MAML3: variants seen among roughly 807,000 people sequenced by gnomAD.
MAML3 encodes mastermind like transcriptional coactivator 3.
A neutral mutation model predicts 101.9 loss-of-function variants in MAML3; 27 were observed. The observed-to-expected ratio is 0.27, with a 90% CI of 0.20 to 0.37. The LOEUF (loss-of-function observed/expected upper bound fraction) is 0.37, where lower values mean the gene tolerates loss of function less well. Ranked by LOEUF, MAML3 falls within the 10% of genes least tolerant of loss-of-function variation. The pLI, the probability that MAML3 is intolerant of heterozygous loss-of-function variation, is 1.00. For synonymous variants in MAML3, 501 were observed against 555.9 expected, an observed-to-expected ratio of 0.90 and a Z score of 1.39; for missense variants, 1,316 against 1,444.9, an observed-to-expected ratio of 0.91 and a Z score of 1.45.
chr4:139,804,222 GA>G (rs1462446361), intron 2 of MAML3, among the ~76,000 whole-genome samples: 1 of 151,626 alleles, frequency 6.6e-6, no homozygotes, highest in Non-Finnish European at 1.5e-5. Context: ...TCTTCCTTCA[GA>G]AAAATGCACA....
intron 2 of MAML3, among the ~76,000 whole-genome samples, chr4:139,808,397 C>T (rs1280784255): frequency 1.3e-5 from 2 of 152,236 alleles, no homozygotes; most frequent in African/African-American, 4.8e-5. Context: ...CATACCACTT[C>T]TAAGTCCTGT....
intron 1 of MAML3, among the ~76,000 whole-genome samples, chr4:139,956,039 T>G (rs551481042): frequency 1.3e-5 from 2 of 152,334 alleles, no homozygotes; most frequent in East Asian, 3.9e-4. Flanking sequence ...TGGCACAACC[T>G]TACCTTTTCT....
At chr4:140,000,825 C>G (rs983988594) in intron 1 of MAML3, among the ~76,000 whole-genome samples, 3 of 152,084 alleles carry the variant, frequency 2.0e-5, no homozygotes, top group Non-Finnish European at 4.4e-5. Flanking sequence ...GTCAGGAGTT[C>G]AAGACCAGCC....
intron 1 of MAML3, among the ~76,000 whole-genome samples, chr4:139,943,864 C>CATTTTTTTTTTTTTTTTTTTT: frequency 1.5e-5 from 1 of 65,824 alleles, no homozygotes; most frequent in Non-Finnish European, 2.8e-5. Context: ...CTAAAGACAA[C>CATTTTTTTTTTTTTTTTTTTT]TTTTTTTTTT....
At chr4:140,075,854 G>A (rs547765808) in intron 1 of MAML3, among the ~76,000 whole-genome samples, 6 of 152,050 alleles carry the variant, frequency 3.9e-5, no homozygotes, top group Non-Finnish European at 7.4e-5. Context: ...TCTGCTTCCC[G>A]GATTCAAGCG....
Position 139,719,074 on chromosome 4 carries a change from CG to C in MAML3, c.*248del, listed in dbSNP as rs1728112766. ...GGCTTCATCTTCCCACCTGCTCCTC[CG>C]GGTGTCTCCCTCTCTCGCAGCCGGG... On this transcript the variant is annotated 3_prime_UTR_variant, in exon 5 of 5. Transcript: ENST00000509479. 1 of 473,268 alleles carries C rather than the reference CG, an allele frequency of 2.1e-6. No homozygotes were observed. Among genetic ancestry groups the C allele is most frequent in the Non-Finnish European group, 3.7e-6 (1 of 270,190 alleles). The allele number at this position is 473,268 out of a possible 1,614,324, so 29.3% of individuals were successfully genotyped here.
intron 1 of MAML3, among the ~76,000 whole-genome samples, chr4:140,029,488 C>T (rs1050947812): frequency 2.0e-5 from 3 of 152,134 alleles, no homozygotes; most frequent in Non-Finnish European, 4.4e-5. Context: ...AGACTGTTAA[C>T]TGTTATTGCT....
rs377748596 is a variant in MAML3 at position 139,793,256 on chromosome 4, C to T, written c.2080-62589G>A. ...AAAGAGCATCAACCCAACCTGCTTA[C>T]ATCAGAGACCTGAACACTCAGTGTG... On this transcript the variant is annotated intron_variant, in intron 2 of 4. Coordinates refer to ENST00000509479, the MANE Select transcript of MAML3 (RefSeq NM_018717.5). Among the ~76,000 whole-genome samples, 84 of 152,300 alleles carry T rather than the reference C, an allele frequency of 5.5e-4. 1 individual carries two copies. The South Asian group carries it at 0.017, about 30-fold the overall frequency.
In MAML3 at chr4:139,758,141, AT is replaced by A. The variant is rs1390328049; in HGVS notation, c.2080-27475del. Among the ~76,000 whole-genome samples the A allele has an allele frequency of 6.6e-5, 10 of 152,326 alleles. No homozygotes were observed. The South Asian group carries it at 2.1e-3, about 32-fold the overall frequency. ...ACAAATGATGGAAAATAGGTCTGTG[AT>A]TAGCTGCTTCCTGCAACCTTGTTAT... On this transcript the variant is annotated intron_variant, in intron 2 of 4. Transcript: ENST00000509479.
chr4:139,886,863 G>A (rs557653253), intron 2 of MAML3, among the ~76,000 whole-genome samples: 1 of 152,034 alleles, frequency 6.6e-6, no homozygotes, highest in African/African-American at 2.4e-5. Flanking sequence ...GGAAGTAAGC[G>A]CATTCCTATT....
intron 1 of MAML3, among the ~76,000 whole-genome samples, chr4:140,120,995 C>T (rs766187581): frequency 4.6e-5 from 7 of 152,230 alleles, no homozygotes; most frequent in African/African-American, 1.4e-4. Context: ...TAACTTTAAG[C>T]TTCTAATATA....
intron 2 of MAML3, among the ~76,000 whole-genome samples, chr4:139,813,935 A>G (rs1730848029): frequency 6.6e-6 from 1 of 152,188 alleles, no homozygotes; most frequent in South Asian, 2.1e-4. Flanking sequence ...GGAAATAAGG[A>G]AACAGAGCCA....
rs150915349 is a variant in MAML3, at chr4:139,862,633, C to G, written c.2079+26724G>C. On this transcript the variant is annotated intron_variant, in intron 2 of 4. Coordinates refer to ENST00000509479, the MANE Select transcript of MAML3 (RefSeq NM_018717.5). ...TGCTGGGTAAGAGTGGATACTCCTC[C>G]TCTTCACTATCTCTGTAGCTGCCAC... is the stretch of plus-strand genomic sequence containing the variant. Among the ~76,000 whole-genome samples the G allele has an allele frequency of 4.0e-3, 612 of 152,320 alleles. 1 individual carries two copies. Among genetic ancestry groups the G allele is most frequent in the Non-Finnish European group, 6.6e-3 (447 of 68,032 alleles).
intron 2 of MAML3, among the ~76,000 whole-genome samples, chr4:139,755,574 C>T (rs1729632284): frequency 6.6e-6 from 1 of 152,182 alleles, no homozygotes; most frequent in Non-Finnish European, 1.5e-5. Context: ...CACCACTACA[C>T]CCCAGCCTGG....
intron 1 of MAML3, among the ~76,000 whole-genome samples, chr4:140,020,400 T>C (rs1458404632): frequency 7.0e-6 from 1 of 143,792 alleles, no homozygotes; most frequent in Non-Finnish European, 1.6e-5. Context: ...TGAAATCTAA[T>C]TTGAGGCTGA....
chr4:140,132,463 C>A (rs528743388), intron 1 of MAML3, among the ~76,000 whole-genome samples: 17 of 152,352 alleles, frequency 1.1e-4, no homozygotes, highest in African/African-American at 4.1e-4. Context: ...CCTTTTCTAA[C>A]TTCCTCTGGC....
In MAML3 at chr4:140,153,012, C is replaced by G. The variant is rs764162553; in HGVS notation, c.316G>C (p.Glu106Gln). Reference protein sequence around the residue: ...QQAQVEQLELERRDTVSLYQR... With the variant: ...QQAQVEQLELQRRDTVSLYQR... ...TAGAGGCTCACGGTGTCCCGGCGCT[C>G]CAGCTCCAGCTGCTCCACCTGAGCC... The change falls in exon 1 of 5, where the codon GAG (glutamate) becomes CAG (glutamine). Residue 106 changes from glutamate to glutamine, a missense_variant. Glu to Gln is a conservative substitution (Grantham distance 29, BLOSUM62 2). Coordinates refer to ENST00000509479, the MANE Select transcript of MAML3 (RefSeq NM_018717.5). 6.2e-7 allele frequency: 1 copy of G among 1,603,092 alleles called. No homozygotes were observed. The highest frequency in any genetic ancestry group is 8.5e-7 in the Non-Finnish European group (1 of 1,175,062).
rs2110945820 is a variant in MAML3 at position 139,717,696 on chromosome 4, C to CGACT, written c.*1623_*1626dup. On this transcript the variant is annotated 3_prime_UTR_variant, in exon 5 of 5. Transcript: ENST00000509479. Reference sequence around the variant, plus strand: ...GTGGCCAGTCCAACCCCACAGGCTCCGACTCTTCCGTAGTGATCTGCCTGG... The same window carrying CGACT: ...GTGGCCAGTCCAACCCCACAGGCTCCGACTGACTCTTCCGTAGTGATCTGCCTGG... The CGACT allele has an allele frequency of 6.6e-6, 1 of 152,390 alleles. No homozygotes were observed. The highest frequency in any genetic ancestry group is 2.4e-5 in the African/African-American group (1 of 41,570). 9.4% of individuals were successfully genotyped at this position (152,390 alleles called of 1,614,324 possible).
chr4:139,953,091 A>T (rs1733858146), intron 1 of MAML3, among the ~76,000 whole-genome samples: 1 of 152,214 alleles, frequency 6.6e-6, no homozygotes, highest in African/African-American at 2.4e-5. Context: ...AATGACATAG[A>T]TGTTAAACGT....
Sources: gnomAD v4.1 joint callset for allele counts (sites outside exome capture counted in the v4.1 genomes callset) on GRCh38, gnomAD v4.1.1 for gene constraint, MANE v1.5 for transcripts, NCBI Gene and HGNC (gene_info 2026-07-23, HGNC 2026-07-21) for gene names.